Variants in IMMP2L observed in about 807,000 individuals in gnomAD.
IMMP2L encodes the protein inner mitochondrial membrane peptidase subunit 2.
Under a neutral mutation model 19.3 loss-of-function variants are expected in IMMP2L, and 18 were observed. The ratio of observed to expected loss-of-function variants is 0.93; its 90% CI spans 0.64 to 1.38. The LOEUF (loss-of-function observed/expected upper bound fraction) is 1.38. Ranked by LOEUF, IMMP2L falls within the 40% of genes most tolerant of loss-of-function variation. The pLI, the probability that IMMP2L is intolerant of heterozygous loss-of-function variation, is 0.00. For missense variants in IMMP2L, 233 were observed against 218.2 expected (o/e 1.07, Z -0.43); for synonymous variants, 76 against 73.0 (o/e 1.04, Z -0.21).
intron 3 of IMMP2L, among the ~76,000 whole-genome samples, chr7:111,162,234 T>G (rs1374258325): frequency 6.6e-6 from 1 of 152,266 alleles, no homozygotes. Flanking sequence ...TACATGTATG[T>G]ATTTCCAATG....
intron 3 of IMMP2L, among the ~76,000 whole-genome samples, chr7:110,986,961 T>G (rs1821926249): frequency 6.6e-6 from 1 of 152,122 alleles, no homozygotes; most frequent in African/African-American, 2.4e-5. Context: ...AAGTCCTATA[T>G]AATGTTATGA....
chr7:111,110,380 T>C (rs1799061800), intron 3 of IMMP2L, among the ~76,000 whole-genome samples: 1 of 152,222 alleles, frequency 6.6e-6, no homozygotes, highest in South Asian at 2.1e-4. Context: ...CTCATATATT[T>C]AGAATAGCTT....
chr7:111,137,162 G>C (rs1475936513), intron 3 of IMMP2L, among the ~76,000 whole-genome samples: 1 of 152,114 alleles, frequency 6.6e-6, no homozygotes, highest in Non-Finnish European at 1.5e-5. Context: ...TGGCAATAAG[G>C]TTTGGTGGAA....
chr7:111,435,439 C>A (rs2131727410), intron 3 of IMMP2L, among the ~76,000 whole-genome samples: 1 of 151,840 alleles, frequency 6.6e-6, no homozygotes, highest in Admixed American at 6.6e-5. Context: ...AAGTCAAATA[C>A]TTCATATTCT....
chr7:111,137,557 A>G (rs902367526), intron 3 of IMMP2L, among the ~76,000 whole-genome samples: 1 of 152,218 alleles, frequency 6.6e-6, no homozygotes, highest in Non-Finnish European at 1.5e-5. Flanking sequence ...ATCAAGCTTG[A>G]TAAGCCAAGA....
intron 3 of IMMP2L, among the ~76,000 whole-genome samples, chr7:110,980,460 C>T (rs556812678): frequency 6.6e-6 from 1 of 151,796 alleles, no homozygotes; most frequent in East Asian, 1.9e-4. Context: ...TCGTGATCCG[C>T]CCGCCTCGGC....
At chr7:110,843,820 G>A (rs1375007619) in intron 5 of IMMP2L, among the ~76,000 whole-genome samples, 1 of 152,156 alleles carries the variant, frequency 6.6e-6, no homozygotes, top group East Asian at 1.9e-4. Flanking sequence ...GCTAACCAGT[G>A]CCAAGGGAAG....
intron 3 of IMMP2L, among the ~76,000 whole-genome samples, chr7:111,008,701 C>T (rs1824580052): frequency 6.6e-6 from 1 of 151,940 alleles, no homozygotes; most frequent in Admixed American, 6.6e-5. Flanking sequence ...CAAATGGATT[C>T]ACTGCTGTAT....
At chr7:111,185,467 G>A (rs1250758269) in intron 3 of IMMP2L, among the ~76,000 whole-genome samples, 1 of 152,054 alleles carries the variant, frequency 6.6e-6, no homozygotes, top group Non-Finnish European at 1.5e-5. Flanking sequence ...GGAGGCATGA[G>A]GACTGAAGGT....
chr7:110,747,925 G>T (rs577298935), intron 5 of IMMP2L, among the ~76,000 whole-genome samples: 3 of 152,086 alleles, frequency 2.0e-5, no homozygotes, highest in Admixed American at 2.0e-4. Flanking sequence ...AAGAAATAAA[G>T]GGTATTCAAT....
chr7:111,480,209 G>C (rs1304627020), intron 3 of IMMP2L, among the ~76,000 whole-genome samples: 1 of 150,860 alleles, frequency 6.6e-6, no homozygotes, highest in African/African-American at 2.4e-5. Flanking sequence ...TCAGCCTCCC[G>C]AGTAGCTGGG....
intron 3 of IMMP2L, among the ~76,000 whole-genome samples, chr7:111,221,527 G>T (rs1418143382): frequency 1.3e-5 from 2 of 151,620 alleles, no homozygotes; most frequent in African/African-American, 4.9e-5. Flanking sequence ...GAGAGAGAGA[G>T]ATAACGTGAG....
chr7:111,096,692 A>G (rs1347622272), intron 3 of IMMP2L, among the ~76,000 whole-genome samples: 2 of 151,876 alleles, frequency 1.3e-5, no homozygotes, highest in Non-Finnish European at 2.9e-5. Context: ...GGGATTTTCC[A>G]GGTTACTAAA....
rs116471563 is a variant in IMMP2L, at chr7:111,481,618, T to C, written c.239+5620A>G. The stretch of plus-strand genomic sequence containing the variant: ...ATTATGTTTTTTTTTTTTCTCTCCA[T>C]AGATTATGTGTCTTTTTCTCTCTGC... On this transcript the variant is annotated intron_variant, in intron 3 of 5. Transcript: ENST00000405709. 3.7e-3 allele frequency among the ~76,000 whole-genome samples: 567 copies of C among 151,724 alleles called. 5 individuals carry two copies. The highest frequency in any genetic ancestry group is 0.013 in the African/African-American group (526 of 41,390).
chr7:110,903,008 A>T (rs950585787), intron 4 of IMMP2L, among the ~76,000 whole-genome samples: 2 of 151,962 alleles, frequency 1.3e-5, no homozygotes, highest in African/African-American at 4.8e-5. Context: ...GGGTGTTAAT[A>T]AAAAAAGTGA....
chr7:111,499,356 C>G (rs1287797395), intron 2 of IMMP2L, among the ~76,000 whole-genome samples: 1 of 152,026 alleles, frequency 6.6e-6, no homozygotes, highest in East Asian at 1.9e-4. Flanking sequence ...CCTCTAGCTC[C>G]AATGAATCAT....
intron 3 of IMMP2L, among the ~76,000 whole-genome samples, chr7:111,083,302 T>C (rs1006570345): frequency 1.3e-5 from 2 of 152,156 alleles, no homozygotes; most frequent in Admixed American, 6.5e-5. Context: ...TCTCAGCTGA[T>C]ATAATGTTTG....
chr7:111,411,810 C>T, intron 3 of IMMP2L: 1 of 206,354 alleles, frequency 4.8e-6, no homozygotes, highest in Non-Finnish European at 1.0e-5. Context: ...ATCGATGCCA[C>T]CGGTTTCATC....
intron 5 of IMMP2L, among the ~76,000 whole-genome samples, chr7:110,698,969 A>T (rs371133142): frequency 6.6e-6 from 1 of 152,166 alleles, no homozygotes; most frequent in Non-Finnish European, 1.5e-5. Context: ...TAGATTTCCA[A>T]TGAAGGGTGA....
Sources: gnomAD v4.1 joint callset for allele counts (sites outside exome capture counted in the v4.1 genomes callset) on GRCh38, gnomAD v4.1.1 for gene constraint, MANE v1.5 for transcripts, NCBI Gene and HGNC (gene_info 2026-07-23, HGNC 2026-07-21) for gene names.